DISC1: variants seen among roughly 807,000 people sequenced by gnomAD.
DISC1 encodes DISC1 scaffold protein.
Under a neutral mutation model 84.5 loss-of-function variants are expected in DISC1, and 57 were observed. The ratio of observed to expected loss-of-function variants is 0.67; its 90% CI spans 0.55 to 0.84. DISC1 has a LOEUF of 0.84. DISC1 is among the 40% of genes least tolerant of loss of function. The pLI is 0.00. For synonymous variants in DISC1, 411 were observed against 415.2 expected (o/e 0.99, Z 0.12); for missense variants, 1,000 against 1,057.8 (o/e 0.95, Z 0.76).
chr1:231,799,731 C>G (rs1251143070), intron 7 of DISC1, among the ~76,000 whole-genome samples: 1 of 151,224 alleles, frequency 6.6e-6, no homozygotes, highest in Non-Finnish European at 1.5e-5. Context: ...TCTGTTAGCT[C>G]CTATCAGTTT....
rs1232274382 is a variant in DISC1 at position 232,031,616 on chromosome 1, T to G, written c.2425+5064T>G. ...GTGCAGATATAGTAGTCACAGTTCT[T>G]TCCTTAGGCTCTCACTTGGCTTTGG... On this transcript the variant is annotated intron_variant, in intron 12 of 12. Coordinates refer to ENST00000439617, the MANE Select transcript of DISC1 (RefSeq NM_018662.3). The surrounding 1 kb of genome is among the most constrained non-coding windows in gnomAD (Gnocchi z 4.6). 6.6e-6 allele frequency among the ~76,000 whole-genome samples: 1 copy of G among 152,158 alleles called. No homozygotes were observed. The highest frequency in any genetic ancestry group is 1.5e-5 in the Non-Finnish European group (1 of 68,026).
chr1:231,914,622 ACT>A (rs2089484982), intron 9 of DISC1, among the ~76,000 whole-genome samples: 2 of 152,158 alleles, frequency 1.3e-5, no homozygotes, highest in Admixed American at 6.5e-5. Context: ...CTCAGGGGAG[ACT>A]CTGACTGGCT....
chr1:231,690,757 G>T (rs1247788677), intron 1 of DISC1, among the ~76,000 whole-genome samples: 1 of 152,148 alleles, frequency 6.6e-6, no homozygotes, highest in Non-Finnish European at 1.5e-5. Context: ...CCTTATATGG[G>T]TTTCCTGGAA....
intron 4 of DISC1, among the ~76,000 whole-genome samples, chr1:231,759,310 A>G (rs1435644040): frequency 1.3e-5 from 2 of 152,180 alleles, no homozygotes; most frequent in Non-Finnish European, 2.9e-5. Context: ...TGGAATCAAG[A>G]TACACTGTAT....
At chr1:231,725,354 T>A (rs961881851) in intron 3 of DISC1, among the ~76,000 whole-genome samples, 1 of 152,190 alleles carries the variant, frequency 6.6e-6, no homozygotes, top group South Asian at 2.1e-4. Context: ...AACCAGCAGA[T>A]GGCGACAAAA....
chr1:231,875,834 G>T (rs144649743), intron 9 of DISC1, among the ~76,000 whole-genome samples: 209 of 152,194 alleles, frequency 1.4e-3, no homozygotes, highest in Non-Finnish European at 2.3e-3. Flanking sequence ...TTTGGCTTGG[G>T]AATTGGGGCC....
intron 9 of DISC1, among the ~76,000 whole-genome samples, chr1:231,908,939 A>T (rs1558719720): frequency 6.6e-6 from 1 of 152,120 alleles, no homozygotes; most frequent in Admixed American, 6.5e-5. Context: ...GCAATTGTGA[A>T]TGGGAGTTCA....
intron 1 of DISC1, among the ~76,000 whole-genome samples, chr1:231,633,558 A>T (rs933170334): frequency 6.6e-6 from 1 of 152,148 alleles, no homozygotes; most frequent in Non-Finnish European, 1.5e-5. Context: ...TCCCTTGCCC[A>T]GGTGGTTCCA....
At chr1:231,691,890 G>A (rs1200729410) in intron 1 of DISC1, among the ~76,000 whole-genome samples, 6 of 152,136 alleles carry the variant, frequency 3.9e-5, no homozygotes, top group Admixed American at 2.6e-4. Context: ...TCACATCCTC[G>A]GATGACGGAT....
chr1:231,990,982 G>A (rs16855913), intron 10 of DISC1, among the ~76,000 whole-genome samples: 7,192 of 152,322 alleles, frequency 0.047, 273 homozygotes, highest in East Asian at 0.2. Flanking sequence ...TGTATGTCCT[G>A]CAGTTCTCAT....
intron 8 of DISC1, among the ~76,000 whole-genome samples, chr1:231,809,918 A>G (rs772736706): frequency 3.3e-4 from 50 of 152,228 alleles, no homozygotes; most frequent in Middle Eastern, 3.2e-3. Flanking sequence ...TCAATTGTCA[A>G]ACAAGGAAAA....
intron 9 of DISC1, among the ~76,000 whole-genome samples, chr1:231,841,339 C>T (rs1160735912): frequency 6.6e-6 from 1 of 152,246 alleles, no homozygotes; most frequent in Non-Finnish European, 1.5e-5. Context: ...TACATACCTT[C>T]CAGGGGGCAA....
intron 1 of DISC1, among the ~76,000 whole-genome samples, chr1:231,653,513 T>C (rs1475569115): frequency 3.2e-4 from 48 of 152,188 alleles, no homozygotes; most frequent in Admixed American, 3.1e-3. Flanking sequence ...CCCCATTCCA[T>C]TGGCCAGAAT....
chr1:231,954,742 G>A lies in DISC1; in HGVS notation c.1982-4086G>A, dbSNP rs111675544. Among the ~76,000 whole-genome samples, 20 of 152,282 alleles carry A rather than the reference G, an allele frequency of 1.3e-4. No individual in the cohort carries two copies. The highest frequency in any genetic ancestry group is 3.4e-4 in the African/African-American group (14 of 41,560). ...GAGGAAAAGGTGAGCTCTATTCTCC[G>A]TCAGCGTGTCTGTGGCTGTATTGAT... On this transcript the variant is annotated intron_variant, in intron 9 of 12. Transcript: ENST00000439617. This position sits in a 1 kb window ranked among gnomAD's most constrained non-coding sequence, Gnocchi z 4.8.
rs144198457 is a variant in DISC1, at chr1:231,793,224, A to G, written c.1635-2018A>G. On this transcript the variant is annotated intron_variant, in intron 6 of 12. Coordinates refer to ENST00000439617, the MANE Select transcript of DISC1 (RefSeq NM_018662.3). ...AACCTCTGGTATGAGATTTCCTGAC[A>G]CCCTGCACACTTTCCCTTCCCCTCC... Among the ~76,000 whole-genome samples, 1,150 of 152,266 alleles carry G rather than the reference A, an allele frequency of 7.6e-3. 15 individuals are homozygous for G. Among genetic ancestry groups the G allele is most frequent in the African/African-American group, 0.023 (966 of 41,564 alleles).
intron 7 of DISC1, among the ~76,000 whole-genome samples, chr1:231,795,605 G>A (rs1181979621): frequency 1.3e-5 from 2 of 152,306 alleles, no homozygotes; most frequent in South Asian, 2.1e-4. Context: ...AGATGCATTC[G>A]GGGCTTGGTG....
intron 8 of DISC1, among the ~76,000 whole-genome samples, chr1:231,814,059 T>C (rs1455130917): frequency 1.3e-5 from 2 of 152,184 alleles, no homozygotes; most frequent in East Asian, 3.8e-4. Flanking sequence ...GTGACAGATG[T>C]TATGTGCTAG....
intron 9 of DISC1, among the ~76,000 whole-genome samples, chr1:231,841,123 C>T (rs898958979): frequency 4.6e-5 from 7 of 152,088 alleles, no homozygotes; most frequent in African/African-American, 7.2e-5. Context: ...AGAAGCATTT[C>T]GGATTTTGCA....
chr1:231,693,854 G>C lies in DISC1; in HGVS notation c.96G>C (p.Ala32=), dbSNP rs374290063. The change falls in exon 2 of 13, where the codon GCG becomes GCC. Residue 32 remains alanine, a synonymous_variant. Coordinates refer to ENST00000439617, the MANE Select transcript of DISC1 (RefSeq NM_018662.3). ...AGSRDCLPPA[A]CFRRRRLARR... ...GCCGGGATTGCTTACCACCTGCAGC[G>C]TGCTTTCGGAGGCGGCGGCTGGCAC... The C allele has an allele frequency of 1.2e-6, 2 of 1,613,804 alleles. No individual in the cohort carries two copies. Among genetic ancestry groups the C allele is most frequent in the African/African-American group, 2.7e-5 (2 of 74,920 alleles).
Sources: allele counts gnomAD v4.1 joint callset (sites outside exome capture counted in the v4.1 genomes callset), GRCh38; gene constraint gnomAD v4.1.1; non-coding constraint Gnocchi (gnomAD v3.1); transcripts MANE v1.5; gene names NCBI Gene and HGNC (gene_info 2026-07-23, HGNC 2026-07-21).